The following NYAP2 variants were observed in gnomAD, a reference collection of about 807,000 sequenced individuals.
The protein encoded by NYAP2 is neuronal tyrosine-phosphorylated phosphoinositide-3-kinase adaptor 2, also known as neuronal tyrosine-phosphorylated phosphoinositide-3-kinase adapter 2.
NYAP2 carries 23 observed loss-of-function variants against 50.4 expected under a neutral mutation model. That is an observed-to-expected ratio of 0.46 (90% CI 0.33 to 0.65). The LOEUF (loss-of-function observed/expected upper bound fraction) is 0.65, where lower values mean the gene tolerates loss of function less well. Ranked by LOEUF, NYAP2 falls within the 30% of genes least tolerant of loss-of-function variation. NYAP2 has a pLI of 0.02. For missense variants in NYAP2, 885 were observed against 861.0 expected, an observed-to-expected ratio of 1.03 and a Z score of -0.35; for synonymous variants, 394 against 365.2, an observed-to-expected ratio of 1.08 and a Z score of -0.90.
intron 4 of NYAP2, among the ~76,000 whole-genome samples, chr2:225,575,264 T>A (rs1378699781): frequency 6.6e-6 from 1 of 152,164 alleles, no homozygotes; most frequent in Non-Finnish European, 1.5e-5. Flanking sequence ...GTCTCCTCAC[T>A]ATCCTTCAGG....
intron 3 of NYAP2, among the ~76,000 whole-genome samples, chr2:225,451,207 G>A (rs899116480): frequency 1.3e-5 from 2 of 152,128 alleles, no homozygotes; most frequent in Non-Finnish European, 2.9e-5. Flanking sequence ...CAGAAGATCC[G>A]TCTACAGCTG....
At chr2:225,560,932 C>CGT (rs1691859732) in intron 4 of NYAP2, among the ~76,000 whole-genome samples, 1 of 69,326 alleles carries the variant, frequency 1.4e-5, no homozygotes, top group Non-Finnish European at 3.5e-5. Flanking sequence ...CTTTCCAAAA[C>CGT]GTTTTTTTTT....
chr2:225,669,408 G>C, the NYAP2 span, among the ~76,000 whole-genome samples: 19 of 152,138 alleles, frequency 1.2e-4, no homozygotes, highest in African/African-American at 4.6e-4. Context: ...AAGCTCATTC[G>C]TATGGACAAA....
the NYAP2 span, among the ~76,000 whole-genome samples, chr2:225,695,899 C>T: frequency 2.0e-5 from 3 of 151,796 alleles, no homozygotes; most frequent in Admixed American, 1.3e-4. Context: ...TAAAATACAG[C>T]CCATTTTTTC....
intron 5 of NYAP2, among the ~76,000 whole-genome samples, chr2:225,606,365 C>T (rs1366733721): frequency 6.6e-6 from 1 of 152,114 alleles, no homozygotes; most frequent in Non-Finnish European, 1.5e-5. Context: ...TTTATTTTCT[C>T]CAACAACATC....
chr2:225,519,156 C>A (rs1396326359), intron 4 of NYAP2, among the ~76,000 whole-genome samples: 1 of 151,660 alleles, frequency 6.6e-6, no homozygotes, highest in African/African-American at 2.4e-5. Flanking sequence ...GGCAAAATAA[C>A]CTTTTAATAA....
intron 3 of NYAP2, among the ~76,000 whole-genome samples, chr2:225,446,080 C>T (rs1328810132): frequency 6.6e-6 from 1 of 151,620 alleles, no homozygotes; most frequent in African/African-American, 2.4e-5. Flanking sequence ...ACTCTGGAGG[C>T]TAAGGCAGGA....
chr2:225,551,678 C>T (rs1234261879), intron 4 of NYAP2, among the ~76,000 whole-genome samples: 1 of 152,096 alleles, frequency 6.6e-6, no homozygotes, highest in East Asian at 1.9e-4. Flanking sequence ...TTATTATGTA[C>T]AGGCCAGTAT....
chr2:225,539,849 T>C (rs1691426038), intron 4 of NYAP2, among the ~76,000 whole-genome samples: 1 of 152,180 alleles, frequency 6.6e-6, no homozygotes, highest in Admixed American at 6.5e-5. Context: ...ATGCTCTGCT[T>C]CCCTTATAAA....
intron 3 of NYAP2, among the ~76,000 whole-genome samples, chr2:225,475,812 T>A (rs1367275943): frequency 6.6e-6 from 1 of 152,178 alleles, no homozygotes; most frequent in Non-Finnish European, 1.5e-5. Context: ...AATATACTTG[T>A]TTCAGTGTCT....
chr2:225,441,189 G>T (rs1334245056), intron 3 of NYAP2, among the ~76,000 whole-genome samples: 1 of 152,154 alleles, frequency 6.6e-6, no homozygotes, highest in Non-Finnish European at 1.5e-5. Context: ...GCAGATCAGT[G>T]AATCCCTCTA....
At chr2:225,570,977 A>G (rs956501192) in intron 4 of NYAP2, among the ~76,000 whole-genome samples, 1 of 152,266 alleles carries the variant, frequency 6.6e-6, no homozygotes, top group African/African-American at 2.4e-5. Flanking sequence ...AAGATGAATT[A>G]GTCAAAACAA....
intron 3 of NYAP2, among the ~76,000 whole-genome samples, chr2:225,410,755 G>T (rs1695024756): frequency 6.6e-6 from 1 of 152,018 alleles, no homozygotes; most frequent in Non-Finnish European, 1.5e-5. Context: ...AAGATTCATA[G>T]TTGTTAAGAC....
chr2:225,623,116 A>G (rs1347461322), intron 5 of NYAP2, among the ~76,000 whole-genome samples: 1 of 152,214 alleles, frequency 6.6e-6, no homozygotes, highest in Non-Finnish European at 1.5e-5. Context: ...AAAAACCTGA[A>G]ATCTTTCTGA....
chr2:225,636,652 A>T (rs1174943238), intron 6 of NYAP2, among the ~76,000 whole-genome samples: 2 of 152,152 alleles, frequency 1.3e-5, no homozygotes, highest in Non-Finnish European at 2.9e-5. Flanking sequence ...CCATCCCTTG[A>T]ATCTGGACTA....
At chr2:225,532,307 T>C (rs562475151) in intron 4 of NYAP2, among the ~76,000 whole-genome samples, 1 of 152,312 alleles carries the variant, frequency 6.6e-6, no homozygotes, top group South Asian at 2.1e-4. Flanking sequence ...CTTGCTTTAA[T>C]TGACTTCAGT....
intron 3 of NYAP2, among the ~76,000 whole-genome samples, chr2:225,448,348 G>A (rs1013386655): frequency 6.6e-6 from 1 of 152,154 alleles, no homozygotes; most frequent in Non-Finnish European, 1.5e-5. Flanking sequence ...GCGACCAGGG[G>A]AATTAATCAG....
At chr2:225,526,475 T>A (rs1026665155) in intron 4 of NYAP2, among the ~76,000 whole-genome samples, 1 of 152,214 alleles carries the variant, frequency 6.6e-6, no homozygotes, top group East Asian at 1.9e-4. Context: ...TGATAGAGGT[T>A]CAGCAAATAC....
chr2:225,610,122 A>C (rs1306762097), intron 5 of NYAP2, among the ~76,000 whole-genome samples: 1 of 152,146 alleles, frequency 6.6e-6, no homozygotes, highest in Non-Finnish European at 1.5e-5. Flanking sequence ...AAAGTGGTAG[A>C]ATTAGATTAA....
Sources: gnomAD v4.1 joint callset for allele counts (sites outside exome capture counted in the v4.1 genomes callset) on GRCh38, gnomAD v4.1.1 for gene constraint, MANE v1.5 for transcripts, NCBI Gene and HGNC (gene_info 2026-07-23, HGNC 2026-07-21) for gene names.